The following CELF2 variants were observed in gnomAD, a reference collection of about 807,000 sequenced individuals.
The protein encoded by CELF2 is CUG triplet repeat RNA-binding protein 2.
In CELF2, 8 loss-of-function variants were observed where a neutral mutation model predicts 62.6. The ratio of observed to expected loss-of-function variants is 0.13; its 90% confidence interval spans 0.07 to 0.23. The LOEUF (loss-of-function observed/expected upper bound fraction) is 0.23, where lower values mean the gene tolerates loss of function less well. Among genes scored for constraint, CELF2 ranks in the 10% least tolerant of loss-of-function variants. CELF2 has a pLI of 1.00. For synonymous variants in CELF2, 258 were observed against 250.0 expected (o/e 1.03, Z -0.30); for missense variants, 333 against 671.0 (o/e 0.50, Z 5.56).
the CELF2 span, among the ~76,000 whole-genome samples, chr10:10,510,353 A>G: frequency 1.3e-5 from 2 of 152,322 alleles, no homozygotes; most frequent in Middle Eastern, 3.4e-3. Flanking sequence ...TAATAGGAGC[A>G]TTTTGCAATA....
the CELF2 span, among the ~76,000 whole-genome samples, chr10:10,601,261 G>C: frequency 1.3e-5 from 2 of 152,158 alleles, no homozygotes; most frequent in Non-Finnish European, 2.9e-5. Context: ...AAAGCCCTAA[G>C]GGGGAATGGA....
intron 2 of CELF2, among the ~76,000 whole-genome samples, chr10:11,199,976 G>A (rs1031822784): frequency 2.6e-5 from 4 of 152,196 alleles, no homozygotes; most frequent in African/African-American, 4.8e-5. Context: ...AAACTGGGTC[G>A]TGGCAGGGTG....
chr10:10,849,855 T>C (rs144592034), intron 1 of CELF2, among the ~76,000 whole-genome samples: 244 of 146,686 alleles, frequency 1.7e-3, no homozygotes, highest in African/African-American at 5.6e-3. Flanking sequence ...AAAAAAAAAA[T>C]TGGCCAGCCA....
chr10:11,309,583 A>G lies in CELF2; in HGVS notation c.977-4556A>G, dbSNP rs66547689. ...TTGTTTGCGCTATTATTTTTGGCCC[A>G]GGAGCATAAATTGTCCCCACAGTCT... On this transcript the variant is annotated intron_variant, in intron 9 of 12. Transcript: ENST00000633077. This position sits in a 1 kb window ranked among gnomAD's most constrained non-coding sequence, Gnocchi z 5.6. 0.068 allele frequency among the ~76,000 whole-genome samples: 10,316 copies of G among 152,154 alleles called. 871 individuals carry two copies. Among genetic ancestry groups the G allele is most frequent in the African/African-American group, 0.2 (8,391 of 41,472 alleles).
chr10:10,618,639 T>C, the CELF2 span, among the ~76,000 whole-genome samples: 1 of 152,148 alleles, frequency 6.6e-6, no homozygotes, highest in Non-Finnish European at 1.5e-5. Flanking sequence ...GGACAGGAAC[T>C]GCGCCTTGTC....
At chr10:11,180,866 A>AAT (rs2073133620) in intron 2 of CELF2, among the ~76,000 whole-genome samples, 7 of 144,182 alleles carry the variant, frequency 4.9e-5, no homozygotes, top group Admixed American at 3.7e-4. Flanking sequence ...TGAATGAATG[A>AAT]GTTTATTTAT....
chr10:11,235,052 A>T lies in CELF2; in HGVS notation c.355-14101A>T, dbSNP rs146649789. ...AACGAGGTCAAGCAACTTGACTCAC[A>T]TACTTGGAATTGGCAGAGTCAGCAT... On this transcript the variant is annotated intron_variant, in intron 3 of 12. Transcript: ENST00000633077. Among the ~76,000 whole-genome samples the T allele has an allele frequency of 3.3e-5, 5 of 152,354 alleles. No individual in the cohort carries two copies. In the East Asian group the frequency reaches 9.6e-4, roughly 29 times the overall value.
Position 11,329,277 on chromosome 10 carries a change from C to T in CELF2, c.*224C>T. On this transcript the variant is annotated 3_prime_UTR_variant, in exon 13 of 13. Coordinates refer to ENST00000633077, the MANE Select transcript of CELF2 (RefSeq NM_001326342.2). This position sits in a 1 kb window ranked among gnomAD's most constrained non-coding sequence, Gnocchi z 5.5. ...TTGTTTCTATTGAGTAATTCCTCCTCCAGTTGTGCCACTGTATTCTCCTTT... is the reference window on the plus strand; with the variant it reads ...TTGTTTCTATTGAGTAATTCCTCCTTCAGTTGTGCCACTGTATTCTCCTTT... 2.9e-6 allele frequency: 1 copy of T among 347,300 alleles called. No individual in the cohort carries two copies. The highest frequency in any genetic ancestry group is 1.0e-4 in the South Asian group (1 of 9,792). 21.5% of individuals were successfully genotyped at this position (347,300 alleles called of 1,614,324 possible).
the CELF2 span, among the ~76,000 whole-genome samples, chr10:10,701,877 G>A: frequency 1.3e-5 from 2 of 152,194 alleles, no homozygotes; most frequent in African/African-American, 2.4e-5. Flanking sequence ...ACCCACCTTT[G>A]CCCAAGAAAT....
intron 3 of CELF2, among the ~76,000 whole-genome samples, chr10:11,221,277 C>G (rs1321460352): frequency 1.3e-5 from 2 of 152,222 alleles, no homozygotes; most frequent in African/African-American, 2.4e-5. Flanking sequence ...TATCTAGGCA[C>G]AACCTAACTG....
At chr10:10,891,663 C>T (rs1391216611) in intron 1 of CELF2, among the ~76,000 whole-genome samples, 1 of 152,178 alleles carries the variant, frequency 6.6e-6, no homozygotes, top group Non-Finnish European at 1.5e-5. Context: ...GGCCTCGGTT[C>T]ATTCCATGAC....
Position 11,321,487 on chromosome 10 carries a change from T to A in CELF2, c.1294+101T>A. On this transcript the variant is annotated intron_variant, in intron 11 of 12. Coordinates refer to ENST00000633077, the MANE Select transcript of CELF2 (RefSeq NM_001326342.2). This position sits in a 1 kb window ranked among gnomAD's most constrained non-coding sequence, Gnocchi z 6.2. Reference sequence around the variant, plus strand: ...ATCAAATTGAACTGAACCCATGTCATAACAGAAAGCAGTTGTTTTGTTATT... The same window carrying A: ...ATCAAATTGAACTGAACCCATGTCAAAACAGAAAGCAGTTGTTTTGTTATT... 2.2e-6 allele frequency: 2 copies of A among 898,954 alleles called. No homozygotes were observed. The allele number at this position is 898,954 out of a possible 1,614,324, so 55.7% of individuals were successfully genotyped here.
At chr10:10,690,097 C>T in the CELF2 span, among the ~76,000 whole-genome samples, 1 of 152,154 alleles carries the variant, frequency 6.6e-6, no homozygotes, top group Non-Finnish European at 1.5e-5. Context: ...TACTGTTTCT[C>T]TTTGTATCAT....
At chr10:11,320,403 G>C (rs2095365080) in intron 10 of CELF2, among the ~76,000 whole-genome samples, 4 of 152,176 alleles carry the variant, frequency 2.6e-5, no homozygotes, top group South Asian at 2.1e-4. Flanking sequence ...CGAAACCCCA[G>C]TTGCCACTTG....
At chr10:10,620,077 A>C in the CELF2 span, among the ~76,000 whole-genome samples, 1 of 152,240 alleles carries the variant, frequency 6.6e-6, no homozygotes, top group Non-Finnish European at 1.5e-5. Flanking sequence ...ATTAGAAAAA[A>C]AATGTTTCTA....
Position 11,010,654 on chromosome 10 carries a change from G to A in CELF2, c.53+5214G>A, listed in dbSNP as rs1351140949. Among the ~76,000 whole-genome samples, 1 of 152,186 alleles carries A rather than the reference G, an allele frequency of 6.6e-6. No individual in the cohort carries two copies. On this transcript the variant is annotated intron_variant, in intron 1 of 12. Transcript: ENST00000416382. This position sits in a 1 kb window ranked among gnomAD's most constrained non-coding sequence, Gnocchi z 4.1. ...ACACAGTGGGAGGAACTATGACCCT[G>A]TATTCAGCCAAACACCTCCCATGAG...
intron 1 of CELF2, among the ~76,000 whole-genome samples, chr10:11,045,769 A>G (rs1271169958): frequency 2.0e-5 from 3 of 152,182 alleles, no homozygotes; most frequent in Admixed American, 2.0e-4. Flanking sequence ...AACGGGGCCT[A>G]CTGCTGAACG....
At chr10:11,326,454 A>G (rs939181613) in intron 12 of CELF2, among the ~76,000 whole-genome samples, 1 of 152,196 alleles carries the variant, frequency 6.6e-6, no homozygotes, top group African/African-American at 2.4e-5. Flanking sequence ...ACGGTTACAT[A>G]GCACGCTGCA....
chr10:10,496,022 C>T, the CELF2 span, among the ~76,000 whole-genome samples: 2 of 152,194 alleles, frequency 1.3e-5, no homozygotes, highest in African/African-American at 2.4e-5. Context: ...TAGTGCCAGA[C>T]TTTGTGCTAA....
Sources: gnomAD v4.1 joint callset for allele counts (sites outside exome capture counted in the v4.1 genomes callset) on GRCh38, gnomAD v4.1.1 for gene constraint, Gnocchi (gnomAD v3.1) non-coding constraint, MANE v1.5 for transcripts, NCBI Gene and HGNC (gene_info 2026-07-23, HGNC 2026-07-21) for gene names.